CACNA2D1: variants seen among roughly 807,000 people sequenced by gnomAD.
CACNA2D1 encodes voltage-dependent calcium channel subunit alpha-2/delta-1.
In CACNA2D1, 53 loss-of-function variants were observed where a neutral mutation model predicts 171.5. The ratio of observed to expected loss-of-function variants is 0.31; its 90% CI spans 0.25 to 0.39. CACNA2D1 has a LOEUF of 0.39. Among genes scored for constraint, CACNA2D1 ranks in the 10% least tolerant of loss-of-function variants. The pLI is 1.00. For missense variants in CACNA2D1, 903 were observed against 1,299.8 expected, an observed-to-expected ratio of 0.69 and a Z score of 4.69; for synonymous variants, 442 against 443.1, an observed-to-expected ratio of 1.00 and a Z score of 0.03.
chr7:81,997,919 C>T (rs1798209886), intron 18 of CACNA2D1, among the ~76,000 whole-genome samples: 1 of 151,516 alleles, frequency 6.6e-6, no homozygotes, highest in South Asian at 2.1e-4. Context: ...GGATAATAAC[C>T]CCTGGGTTCA....
intron 1 of CACNA2D1, among the ~76,000 whole-genome samples, chr7:82,397,451 T>G (rs1825860674): frequency 6.6e-6 from 1 of 152,212 alleles, no homozygotes; most frequent in Non-Finnish European, 1.5e-5. Context: ...AACATATATT[T>G]GTGTTTATGA....
intron 3 of CACNA2D1, among the ~76,000 whole-genome samples, chr7:82,311,096 A>C (rs1349487290): frequency 4.6e-5 from 7 of 152,126 alleles, no homozygotes; most frequent in Non-Finnish European, 1.5e-5. Context: ...AAATTCCTAA[A>C]TATCTGATGT....
chr7:82,093,099 T>G (rs114837205), intron 6 of CACNA2D1, among the ~76,000 whole-genome samples: 2,712 of 152,274 alleles, frequency 0.018, 32 homozygotes, highest in Middle Eastern at 0.048. Flanking sequence ...GTATGTAATG[T>G]GTGCAAAAAC....
At chr7:82,013,085 C>A (rs1354408875) in intron 14 of CACNA2D1, among the ~76,000 whole-genome samples, 2 of 151,886 alleles carry the variant, frequency 1.3e-5, no homozygotes, top group Admixed American at 6.6e-5. Flanking sequence ...ATTTGTCCAG[C>A]ATAATTAGTG....
intron 3 of CACNA2D1, among the ~76,000 whole-genome samples, chr7:82,269,901 C>T (rs1057178589): frequency 6.6e-6 from 1 of 152,134 alleles, no homozygotes; most frequent in Non-Finnish European, 1.5e-5. Context: ...ACAAACTTTA[C>T]TGACATATTC....
chr7:82,345,839 C>G (rs1434352432), intron 2 of CACNA2D1, among the ~76,000 whole-genome samples: 1 of 151,994 alleles, frequency 6.6e-6, no homozygotes, highest in Non-Finnish European at 1.5e-5. Context: ...GTAAATACAG[C>G]TTCCATCTCT....
intron 10 of CACNA2D1, among the ~76,000 whole-genome samples, chr7:82,056,504 C>G (rs1805925423): frequency 6.6e-6 from 1 of 152,068 alleles, no homozygotes; most frequent in Non-Finnish European, 1.5e-5. Context: ...TATGTGTCAA[C>G]TGTACTGCTT....
At chr7:82,162,900 C>T (rs1411557905) in intron 4 of CACNA2D1, among the ~76,000 whole-genome samples, 2 of 152,004 alleles carry the variant, frequency 1.3e-5, no homozygotes, top group African/African-American at 2.4e-5. Flanking sequence ...TCATCTGTGC[C>T]TTGTACTTTG....
chr7:82,155,495 T>C (rs1024320523), intron 4 of CACNA2D1, among the ~76,000 whole-genome samples: 3 of 152,092 alleles, frequency 2.0e-5, no homozygotes, highest in Non-Finnish European at 4.4e-5. Flanking sequence ...ACTACAAATA[T>C]ACCATACATT....
At position 82,115,744 on chromosome 7, in the gene CACNA2D1, A is replaced by G. The variant is rs948311426; in HGVS notation, c.526+1300T>C. ...TAAAACCAATAATCTCAAAGTGAAT[A>G]AAAAAAAAAAGCTCATATACAATGT... On this transcript the variant is annotated intron_variant, in intron 6 of 38. Transcript: ENST00000356860. Among the ~76,000 whole-genome samples the G allele has an allele frequency of 2.4e-5, 3 of 123,366 alleles. No homozygotes were observed. The East Asian group carries it at 6.2e-4, about 25-fold the overall frequency. 80.9% of individuals were successfully genotyped at this position (123,366 alleles called of 152,430 possible).
At chr7:82,274,494 T>G (rs943592275) in intron 3 of CACNA2D1, among the ~76,000 whole-genome samples, 2 of 152,188 alleles carry the variant, frequency 1.3e-5, no homozygotes, top group African/African-American at 4.8e-5. Context: ...AATGCTTCAT[T>G]TAAGTTGCTG....
chr7:82,066,427 C>T lies in CACNA2D1; in HGVS notation c.728+28G>A, dbSNP rs750792396. 5 of 1,609,068 alleles carry T rather than the reference C, an allele frequency of 3.1e-6. No individual in the cohort carries two copies. In the South Asian group the frequency reaches 4.4e-5, roughly 14 times the overall value. On this transcript the variant is annotated intron_variant, in intron 8 of 38. Coordinates refer to ENST00000356860, the MANE Select transcript of CACNA2D1 (RefSeq NM_000722.4). ...ATATATATCTTCTTGCCTATTTTAT[C>T]TTTTCATGGCTAGCTAAAAATTCTT...
At chr7:82,029,943 A>G (rs1802458552) in intron 12 of CACNA2D1, 2 of 151,896 alleles carry the variant, frequency 1.3e-5, no homozygotes, top group Admixed American at 1.3e-4. Flanking sequence ...AATAAAGGTT[A>G]TATGTTTTCA....
In CACNA2D1 at chr7:82,038,244, G is replaced by T. The variant is rs939486410; in HGVS notation, c.880-9C>A. The T allele has an allele frequency of 6.2e-6, 10 of 1,606,430 alleles. No homozygotes were observed. The South Asian group carries it at 1.1e-4, about 18-fold the overall frequency. On this transcript the variant is annotated splice_polypyrimidine_tract_variant and intron_variant, in intron 10 of 38. Coordinates refer to ENST00000356860, the MANE Select transcript of CACNA2D1 (RefSeq NM_000722.4). Reference sequence around the variant, plus strand: ...TGAGCATTGCTGTTAAACTGCAAAAGATTAAAAAGTAAATATATAAATGAA... The same window carrying T: ...TGAGCATTGCTGTTAAACTGCAAAATATTAAAAAGTAAATATATAAATGAA...
chr7:82,172,144 TA>T lies in CACNA2D1; in HGVS notation c.295-1536del, dbSNP rs1796082560. On this transcript the variant is annotated intron_variant, in intron 3 of 38. Coordinates refer to ENST00000356860, the MANE Select transcript of CACNA2D1 (RefSeq NM_000722.4). Reference sequence around the variant, plus strand: ...GGACAATGGTTTTGTTTTTCACTACTAGGTAGAAATGGAGTATATAAGAAGC... The same window carrying T: ...GGACAATGGTTTTGTTTTTCACTACTGGTAGAAATGGAGTATATAAGAAGC... 2.0e-5 allele frequency among the ~76,000 whole-genome samples: 3 copies of T among 152,028 alleles called. 1 individual carries two copies. In the South Asian group the frequency reaches 6.2e-4, roughly 31 times the overall value.
chr7:82,441,249 C>T (rs942842427), intron 1 of CACNA2D1, among the ~76,000 whole-genome samples: 24 of 152,104 alleles, frequency 1.6e-4, no homozygotes, highest in Middle Eastern at 3.4e-3. Context: ...ACCATCAGTT[C>T]TTTCCTCAGA....
chr7:82,149,441 C>T (rs1584925365), intron 4 of CACNA2D1, among the ~76,000 whole-genome samples: 1 of 152,156 alleles, frequency 6.6e-6, no homozygotes, highest in East Asian at 1.9e-4. Flanking sequence ...AGCAGGTAGA[C>T]AACTGGGGCT....
At chr7:82,411,219 C>G (rs1827611002) in intron 1 of CACNA2D1, among the ~76,000 whole-genome samples, 1 of 152,092 alleles carries the variant, frequency 6.6e-6, no homozygotes, top group South Asian at 2.1e-4. Context: ...GGTGCCTGAG[C>G]AGCTCTGCGT....
chr7:82,331,981 GATA>G (rs1199842954), intron 3 of CACNA2D1, among the ~76,000 whole-genome samples: 3 of 152,076 alleles, frequency 2.0e-5, no homozygotes, highest in African/African-American at 7.2e-5. Context: ...CAAAATTGAA[GATA>G]ATAATGTTTT....
Sources: gnomAD v4.1 joint callset for allele counts (sites outside exome capture counted in the v4.1 genomes callset) on GRCh38, gnomAD v4.1.1 for gene constraint, MANE v1.5 for transcripts, NCBI Gene and HGNC (gene_info 2026-07-23, HGNC 2026-07-21) for gene names.